NFE2L1: variants seen among roughly 807,000 people sequenced by gnomAD.
NFE2L1 encodes the protein NFE2 like bZIP transcription factor 1.
Under a neutral mutation model 61.6 loss-of-function variants are expected in NFE2L1, and 18 were observed. That is an observed-to-expected ratio of 0.29 (90% confidence interval 0.20 to 0.43). The LOEUF is 0.43. Among genes scored for constraint, NFE2L1 ranks in the 20% least tolerant of loss-of-function variants. The pLI is 1.00. For synonymous variants in NFE2L1, 419 were observed against 402.7 expected (o/e 1.04, Z -0.48); for missense variants, 827 against 973.5 (o/e 0.85, Z 2.00).
At position 48,050,972 on chromosome 17, in the gene NFE2L1, C is replaced by A; in HGVS notation, c.-147C>A. 1 of 930,724 alleles carries A rather than the reference C, an allele frequency of 1.1e-6. No individual in the cohort carries two copies. The highest frequency in any genetic ancestry group is 1.6e-5 in the South Asian group (1 of 64,386). 57.7% of individuals were successfully genotyped at this position (930,724 alleles called of 1,614,324 possible). ...GCTTTCCTCTGGGGCCGTCAGGGAG[C>A]TCATCCCTTGTGTTCTGCCAGGGTG... On this transcript the variant is annotated 5_prime_UTR_variant, in exon 2 of 6. Coordinates refer to ENST00000362042, the MANE Select transcript of NFE2L1 (RefSeq NM_003204.3).
chr17:48,054,190 C>T (rs1416920923), intron 2 of NFE2L1: 1 of 152,510 alleles, frequency 6.6e-6, no homozygotes, highest in Non-Finnish European at 1.5e-5. Context: ...AAGTGTCTGC[C>T]CAGTCCTGAG....
Position 48,050,828 on chromosome 17 carries a change from C to T in NFE2L1, c.-291C>T, listed in dbSNP as rs2144349166. 2 of 592,642 alleles carry T rather than the reference C, an allele frequency of 3.4e-6. No homozygotes were observed. The highest frequency in any genetic ancestry group is 2.8e-5 in the East Asian group (1 of 36,290). The allele number at this position is 592,642 out of a possible 1,614,324, so 36.7% of individuals were successfully genotyped here. A position where few individuals can be genotyped will look rare whatever the true frequency, so the allele number is the denominator to read the frequency against. On this transcript the variant is annotated 5_prime_UTR_variant, in exon 2 of 6. It adds an upstream start codon to the 5' untranslated region. Coordinates refer to ENST00000362042, the MANE Select transcript of NFE2L1 (RefSeq NM_003204.3). ...TGTGGACTGTGGAGAAAGTAAGTCA[C>T]GTGGGCCCTTGAGGACCTGGACTGG...
chr17:48,059,118 G>A lies in NFE2L1; in HGVS notation c.1796G>A (p.Ser599Asn). 1 of 1,614,132 alleles carries A rather than the reference G, an allele frequency of 6.2e-7. No homozygotes were observed. Among genetic ancestry groups the A allele is most frequent in the East Asian group, 2.2e-5 (1 of 44,882 alleles). The change falls in exon 6 of 6, where the codon AGC becomes AAC. Residue 599 changes from serine to asparagine, a missense_variant. Physicochemically the swap from Ser to Asn is conservative, Grantham distance 46. Around this residue, in one of 3 missense-constraint regions of NFE2L1, gnomAD observed 667 missense variants for 748.4 expected, o/e 0.89. Coordinates refer to ENST00000362042, the MANE Select transcript of NFE2L1 (RefSeq NM_003204.3). This position sits in a 1 kb window ranked among gnomAD's most constrained non-coding sequence, Gnocchi z 6.1. ...LPPPSALKKG[S>N]KEKQADFLDK... is the part of the protein sequence containing the mutation. The stretch of plus-strand genomic sequence containing the variant: ...CCACCCAGTGCCCTCAAGAAAGGCA[G>A]CAAGGAGAAGCAGGCTGACTTCCTG...
chr17:48,054,543 A>C (rs573401720), intron 2 of NFE2L1: 23 of 1,148,378 alleles, frequency 2.0e-5, no homozygotes, highest in Non-Finnish European at 2.5e-5. Flanking sequence ...TGCGCAGCCC[A>C]GCTGCTGACC....
intron 5 of NFE2L1, 142 bp from the exon 6 acceptor site, chr17:48,058,153 G>GTA: frequency 5.8e-6 from 7 of 1,206,358 alleles, no homozygotes; most frequent in South Asian, 5.8e-5. Context: ...AGCTGGGTCA[G>GTA]GAGCTGACAC....
Position 48,057,046 on chromosome 17 carries a change from G to A in NFE2L1, c.738G>A (p.Glu246=). ...ESFPAQVPSG[E]DQTALSLEEC... is the part of the protein sequence containing the mutation. Reference sequence around the variant, plus strand: ...TGTTGCCACAGGTGCCTAGTGGGGAGGACCAGACGGCCCTGTCCCTGGAAG... The same window carrying A: ...TGTTGCCACAGGTGCCTAGTGGGGAAGACCAGACGGCCCTGTCCCTGGAAG... Residue 246 remains glutamate, a synonymous_variant, in exon 4 of 6, where the codon GAG becomes GAA. Coordinates refer to ENST00000362042, the MANE Select transcript of NFE2L1 (RefSeq NM_003204.3). 2 of 1,614,044 alleles carry A rather than the reference G, an allele frequency of 1.2e-6. No individual in the cohort carries two copies. The highest frequency in any genetic ancestry group is 1.7e-6 in the Non-Finnish European group (2 of 1,179,992).
Position 48,059,503 on chromosome 17 carries a change from T to C in NFE2L1, c.2181T>C (p.Asp727=), listed in dbSNP as rs2037492609. 3 of 1,613,540 alleles carry C rather than the reference T, an allele frequency of 1.9e-6. No individual in the cohort carries two copies. Among genetic ancestry groups the C allele is most frequent in the Non-Finnish European group, 2.5e-6 (3 of 1,179,868 alleles). ...AGGAGGTGTTTGGGCGGCTGCGAGA[T>C]GAGAACGGACGACCCTACTCGCCCA... ...LYQEVFGRLR[D]ENGRPYSPSQ... The change falls in exon 6 of 6, where the codon GAT becomes GAC. Residue 727 remains aspartate (D), a synonymous_variant. Transcript: ENST00000362042. This position sits in a 1 kb window ranked among gnomAD's most constrained non-coding sequence, Gnocchi z 6.1.
intron 5 of NFE2L1, among the ~76,000 whole-genome samples, chr17:48,057,810 A>T (rs1026348613): frequency 3.9e-5 from 6 of 152,202 alleles, no homozygotes; most frequent in African/African-American, 1.4e-4. Context: ...TTGTGCGTTA[A>T]TAATAGCTGA....
chr17:48,050,670 G>A lies in NFE2L1; in HGVS notation c.-449G>A. ...GGGACACTCTGACCCAAGACGAAAG[G>A]CCTGTAGCTCCAGCCAAAGAAAATA... On this transcript the variant is annotated 5_prime_UTR_variant, in exon 2 of 6. Transcript: ENST00000362042. The A allele has an allele frequency of 2.3e-6, 1 of 436,364 alleles. No individual in the cohort carries two copies. The allele number at this position is 436,364 out of a possible 1,614,324, so 27.0% of individuals were successfully genotyped here.
chr17:48,056,613 G>C lies in NFE2L1; in HGVS notation c.723+15G>C. The stretch of plus-strand genomic sequence containing the variant: ...TCCCTGCACAGGTACCATCGCCCCT[G>C]CTCACTGGGCTCTCTTCTTGTCCCT... On this transcript the variant is annotated intron_variant, in intron 3 of 5. Transcript: ENST00000362042. 1 of 1,610,762 alleles carries C rather than the reference G, an allele frequency of 6.2e-7. No individual in the cohort carries two copies. Among genetic ancestry groups the C allele is most frequent in the Non-Finnish European group, 8.5e-7 (1 of 1,178,796 alleles).
Position 48,058,462 on chromosome 17 carries a change from C to G in NFE2L1, c.1140C>G (p.Pro380=). 2 of 1,613,952 alleles carry G rather than the reference C, an allele frequency of 1.2e-6. No individual in the cohort carries two copies. The highest frequency in any genetic ancestry group is 2.2e-5 in the East Asian group (1 of 44,884). The change falls in exon 6 of 6, where the codon CCC becomes CCG. Residue 380 remains proline (P), a synonymous_variant. Coordinates refer to ENST00000362042, the MANE Select transcript of NFE2L1 (RefSeq NM_003204.3). ...GCSQDFLLFS[P]EVESLPVASS... ...GCCAGGACTTCTTACTCTTCAGCCCCGAGGTGGAAAGCCTGCCTGTGGCCA... is the reference window on the plus strand; with the variant it reads ...GCCAGGACTTCTTACTCTTCAGCCCGGAGGTGGAAAGCCTGCCTGTGGCCA...
At chr17:48,056,648 A>C (rs1276129779) in intron 3 of NFE2L1, 50 bp downstream of exon 3, 2 of 1,592,730 alleles carry the variant, frequency 1.3e-6, no homozygotes, top group Non-Finnish European at 1.7e-6. Context: ...TACTACCCTG[A>C]CACAAACCAG....
chr17:48,054,162 C>T (rs1324978724), intron 2 of NFE2L1, among the ~76,000 whole-genome samples: 2 of 152,158 alleles, frequency 1.3e-5, no homozygotes, highest in Admixed American at 6.5e-5. Flanking sequence ...ATTTAGATTC[C>T]CAGAGAATCT....
intron 3 of NFE2L1, 142 bp downstream of exon 3, chr17:48,056,740 C>A: frequency 9.4e-7 from 1 of 1,067,876 alleles, no homozygotes; most frequent in Non-Finnish European, 1.3e-6. Flanking sequence ...GGGTTGGGGT[C>A]TGTAAGTCAC....
chr17:48,059,411 C>T lies in NFE2L1; in HGVS notation c.2089C>T (p.Leu697=), dbSNP rs760420132. 1.2e-6 allele frequency: 2 copies of T among 1,614,216 alleles called. No homozygotes were observed. The highest frequency in any genetic ancestry group is 1.1e-5 in the South Asian group (1 of 91,090). ...EDLQRDKARL[L]REKVEFLRSL... ...CCTGCAGCGTGACAAAGCCCGGCTG[C>T]TGCGGGAGAAAGTGGAGTTCCTGCG... Residue 697 remains leucine, a synonymous_variant, in exon 6 of 6, where the codon CTG becomes TTG. Transcript: ENST00000362042. This position sits in a 1 kb window ranked among gnomAD's most constrained non-coding sequence, Gnocchi z 6.1.
intron 5 of NFE2L1, 65 bp from the exon 6 acceptor site, chr17:48,058,230 A>G: frequency 6.6e-7 from 1 of 1,512,758 alleles, no homozygotes; most frequent in Non-Finnish European, 8.8e-7. Context: ...GGGTGCCTGC[A>G]GTGTGTGAGC....
At chr17:48,057,941 C>T (rs923067244) in intron 5 of NFE2L1, among the ~76,000 whole-genome samples, 1 of 152,224 alleles carries the variant, frequency 6.6e-6, no homozygotes, top group Non-Finnish European at 1.5e-5. Context: ...CCCATCGTCA[C>T]ACAGCAAGTG....
Position 48,059,775 on chromosome 17 carries a change from G to T in NFE2L1, c.*134G>T. The T allele has an allele frequency of 7.5e-7, 1 of 1,326,936 alleles. No homozygotes were observed. Among genetic ancestry groups the T allele is most frequent in the Non-Finnish European group, 1.0e-6 (1 of 1,001,658 alleles). 82.2% of individuals were successfully genotyped at this position (1,326,936 alleles called of 1,614,324 possible). A position where few individuals can be genotyped will look rare whatever the true frequency, so the allele number is the denominator to read the frequency against. ...ATATATCTTCTCAGATGGGATGACT[G>T]CGGGTCAGTGTACAGGAAGAGGCAG... On this transcript the variant is annotated 3_prime_UTR_variant, in exon 6 of 6. Coordinates refer to ENST00000362042, the MANE Select transcript of NFE2L1 (RefSeq NM_003204.3). This position sits in a 1 kb window ranked among gnomAD's most constrained non-coding sequence, Gnocchi z 6.1.
chr17:48,056,075 G>T (rs542723185), intron 2 of NFE2L1: 89 of 334,216 alleles, frequency 2.7e-4, no homozygotes, highest in African/African-American at 1.6e-3. Flanking sequence ...TCTTATGTAG[G>T]GGGGAGGCGG....
Sources: gnomAD v4.1 joint callset for allele counts (sites outside exome capture counted in the v4.1 genomes callset) on GRCh38, gnomAD v4.1.1 for gene constraint, gnomAD v4.1.1 regional missense constraint, Gnocchi (gnomAD v3.1) non-coding constraint, MANE v1.5 for transcripts, NCBI Gene and HGNC (gene_info 2026-07-23, HGNC 2026-07-21) for gene names.